STON2: variants seen among roughly 807,000 people sequenced by gnomAD.
STON2 encodes stonin-2.
A neutral mutation model predicts 65.7 loss-of-function variants in STON2; 29 were observed. The ratio of observed to expected loss-of-function variants is 0.44; its 90% confidence interval spans 0.33 to 0.60. STON2 has a LOEUF of 0.60. Ranked by LOEUF, STON2 falls within the 20% of genes least tolerant of loss-of-function variation. The probability of loss-of-function intolerance (pLI) is 0.03; values close to 1 mark genes in which losing one functional copy is unlikely to be tolerated. For synonymous variants in STON2, 404 were observed against 414.2 expected (o/e 0.98, Z 0.30); for missense variants, 1,054 against 1,118.1 (o/e 0.94, Z 0.82).
Position 81,277,375 on chromosome 14 carries a change from G to C in STON2, c.2107C>G (p.Arg703Gly). ...TTKWIKLHECRFHGCVDEDVF... is the reference protein window; with the variant it reads ...TTKWIKLHECGFHGCVDEDVF... ...TCCTCATCCACACACCCATGGAAAC[G>C]GCACTCATGGAGCTTGATCCACTTT... The change falls in exon 6 of 8, where the codon CGT (arginine) becomes GGT (glycine). Residue 703 changes from arginine to glycine, a missense_variant. Arg to Gly is a moderately radical substitution (Grantham distance 125). Transcript: ENST00000614646. The C allele has an allele frequency of 6.2e-7, 1 of 1,614,158 alleles. No individual in the cohort carries two copies. The highest frequency in any genetic ancestry group is 2.2e-5 in the East Asian group (1 of 44,876).
At position 81,267,623 on chromosome 14, in the gene STON2, A is replaced by G. The variant is rs1894407096; in HGVS notation, c.*791T>C. The G allele has an allele frequency of 1.0e-6, 1 of 985,254 alleles. No individual in the cohort carries two copies. The allele number at this position is 985,254 out of a possible 1,614,324, so 61.0% of individuals were successfully genotyped here. ...GAATCTACCTCTTGAACTGAACATC[A>G]TCTTATATTTAATGTCTCTTTTCTC... On this transcript the variant is annotated 3_prime_UTR_variant, in exon 8 of 8. Coordinates refer to ENST00000614646, the MANE Select transcript of STON2 (RefSeq NM_001394390.1).
chr14:81,291,398 A>G (rs1895549181), intron 5 of STON2, among the ~76,000 whole-genome samples: 1 of 152,196 alleles, frequency 6.6e-6, no homozygotes, highest in Admixed American at 6.5e-5. Flanking sequence ...AGAATGTTCA[A>G]CTTTCTATTA....
chr14:81,335,654 T>C (rs1297422495), intron 4 of STON2, among the ~76,000 whole-genome samples: 1 of 152,208 alleles, frequency 6.6e-6, no homozygotes, highest in African/African-American at 2.4e-5. Flanking sequence ...GACCTAGATT[T>C]CAGAGTATCG....
chr14:81,278,359 C>G lies in STON2; in HGVS notation c.1123G>C (p.Glu375Gln), dbSNP rs1194617456. 3 of 1,614,182 alleles carry G rather than the reference C, an allele frequency of 1.9e-6. No homozygotes were observed. The highest frequency in any genetic ancestry group is 2.5e-6 in the Non-Finnish European group (3 of 1,180,024). The change falls in exon 6 of 8, where the codon GAG (glutamate) becomes CAG (glutamine). Residue 375 changes from glutamate to glutamine, a missense_variant. Transcript: ENST00000614646. Reference protein sequence around the residue: ...PWRATNPFLNETLQDVQPSPI... With the variant: ...PWRATNPFLNQTLQDVQPSPI... ...GAGGGCTGTACATCCTGCAGAGTCT[C>G]ATTCAGGAAAGGGTTGGTTGCCCTC...
In STON2 at chr14:81,267,997, C is replaced by T. The variant is rs748759311; in HGVS notation, c.*417G>A. Reference sequence around the variant, plus strand: ...TTCTTAATTAACTTCTCAAGACTGCCTTTGCCAGAAAGTTATGCGAGTGAC... The same window carrying T: ...TTCTTAATTAACTTCTCAAGACTGCTTTTGCCAGAAAGTTATGCGAGTGAC... On this transcript the variant is annotated 3_prime_UTR_variant, in exon 8 of 8. Coordinates refer to ENST00000614646, the MANE Select transcript of STON2 (RefSeq NM_001394390.1). The T allele has an allele frequency of 1.0e-6, 1 of 987,078 alleles. No homozygotes were observed. The allele number at this position is 987,078 out of a possible 1,614,324, so 61.1% of individuals were successfully genotyped here.
intron 4 of STON2, among the ~76,000 whole-genome samples, chr14:81,354,826 G>A (rs1898159889): frequency 6.6e-6 from 1 of 152,062 alleles, no homozygotes; most frequent in Non-Finnish European, 1.5e-5. Context: ...AGACCAGCCT[G>A]GGCAACATGG....
intron 2 of STON2, among the ~76,000 whole-genome samples, chr14:81,408,136 A>AACACACACACACAC (rs149914558): frequency 0.012 from 1,787 of 149,046 alleles, 33 homozygotes; most frequent in African/African-American, 0.042. Flanking sequence ...TTCACTGAAG[A>AACACACACACACAC]ACACACACAC....
chr14:81,362,502 T>A (rs1418324094), intron 4 of STON2, among the ~76,000 whole-genome samples: 1 of 152,130 alleles, frequency 6.6e-6, no homozygotes, highest in African/African-American at 2.4e-5. Flanking sequence ...AATGGGTAGA[T>A]GTTGGTTAAA....
At chr14:81,375,857 T>C (rs1899228621) in intron 3 of STON2, among the ~76,000 whole-genome samples, 1 of 151,148 alleles carries the variant, frequency 6.6e-6, no homozygotes, top group African/African-American at 2.4e-5. Flanking sequence ...TATGATACAA[T>C]TAAGTATCTA....
chr14:81,311,810 G>A (rs1896437511), intron 5 of STON2, among the ~76,000 whole-genome samples: 1 of 152,202 alleles, frequency 6.6e-6, no homozygotes, highest in Non-Finnish European at 1.5e-5. Flanking sequence ...AACGAGTCAG[G>A]GGATATGAGA....
At chr14:81,348,401 C>T (rs1230514940) in intron 4 of STON2, among the ~76,000 whole-genome samples, 1 of 152,014 alleles carries the variant, frequency 6.6e-6, no homozygotes, top group African/African-American at 2.4e-5. Context: ...CTAATAAATT[C>T]GGTAAATTGG....
At chr14:81,398,221 C>A (rs1595442684) in intron 2 of STON2, 74 bp downstream of exon 2, 1 of 1,037,966 alleles carries the variant, frequency 9.6e-7, no homozygotes, top group South Asian at 1.6e-5. Context: ...AAAGAATAAT[C>A]AAGTAGAAGC....
chr14:81,435,467 G>A (rs1232353615), intron 1 of STON2, among the ~76,000 whole-genome samples: 1 of 152,156 alleles, frequency 6.6e-6, no homozygotes, highest in South Asian at 2.1e-4. Context: ...CTATCAGACC[G>A]GTGCAATCAT....
chr14:81,313,074 A>G (rs1401613403), intron 5 of STON2, among the ~76,000 whole-genome samples: 1 of 152,104 alleles, frequency 6.6e-6, no homozygotes, highest in African/African-American at 2.4e-5. Context: ...TCTGTCTACA[A>G]TTTCCATTCT....
chr14:81,385,817 T>A (rs1032813886), intron 3 of STON2, among the ~76,000 whole-genome samples: 1 of 152,328 alleles, frequency 6.6e-6, no homozygotes, highest in Admixed American at 6.5e-5. Flanking sequence ...TTTCCCTTTA[T>A]GGAGAAGAGA....
chr14:81,350,867 T>G (rs1278207484), intron 4 of STON2, among the ~76,000 whole-genome samples: 25 of 152,182 alleles, frequency 1.6e-4, no homozygotes, highest in Admixed American at 1.6e-3. Flanking sequence ...GTTGAGTGCA[T>G]GTTAACATTT....
intron 3 of STON2, among the ~76,000 whole-genome samples, chr14:81,388,940 A>T (rs887576419): frequency 6.6e-6 from 1 of 152,180 alleles, no homozygotes; most frequent in South Asian, 2.1e-4. Context: ...TAAAACTAGG[A>T]AGAACACTGA....
At position 81,355,893 on chromosome 14, in the gene STON2, T is replaced by G. The variant is rs538925777; in HGVS notation, c.571+15095A>C. 6.9e-4 allele frequency among the ~76,000 whole-genome samples: 105 copies of G among 152,204 alleles called. 2 individuals are homozygous for G. Among genetic ancestry groups the G allele is most frequent in the Admixed American group, 6.5e-3 (100 of 15,280 alleles). On this transcript the variant is annotated intron_variant, in intron 4 of 7. Coordinates refer to ENST00000614646, the MANE Select transcript of STON2 (RefSeq NM_001394390.1). ...ACTTTGCTGAAGTTGCTTATCAGCT[T>G]AAGGAGATTTTGGGCTGAGACAATG...
chr14:81,268,284 T>C lies in STON2; in HGVS notation c.*130A>G, dbSNP rs1377558359. 2 of 1,207,430 alleles carry C rather than the reference T, an allele frequency of 1.7e-6. No individual in the cohort carries two copies. The highest frequency in any genetic ancestry group is 2.1e-6 in the Non-Finnish European group (2 of 952,864). The allele number at this position is 1,207,430 out of a possible 1,614,324, so 74.8% of individuals were successfully genotyped here. A position where few individuals can be genotyped will look rare whatever the true frequency, so the allele number is the denominator to read the frequency against. On this transcript the variant is annotated 3_prime_UTR_variant, in exon 8 of 8. Coordinates refer to ENST00000614646, the MANE Select transcript of STON2 (RefSeq NM_001394390.1). ...CTGCAAACAGGAAGATCTGGTATAC[T>C]GTTCCCAACATGCAGTGGCCACAGC...
Sources: gnomAD v4.1 joint callset for allele counts (sites outside exome capture counted in the v4.1 genomes callset) on GRCh38, gnomAD v4.1.1 for gene constraint, MANE v1.5 for transcripts, NCBI Gene and HGNC (gene_info 2026-07-23, HGNC 2026-07-21) for gene names.